Variants in DENND6B observed in about 807,000 individuals in gnomAD.
The protein encoded by DENND6B is protein DENND6B.
In DENND6B, 73 loss-of-function variants were observed where a neutral mutation model predicts 85.1. The observed-to-expected ratio is 0.86, with a 90% CI of 0.71 to 1.04. DENND6B has a LOEUF of 1.04. Ranked by LOEUF, DENND6B falls within the 50% of genes least tolerant of loss-of-function variation. The pLI is 0.00. For missense variants in DENND6B, 715 were observed against 785.8 expected (o/e 0.91, Z 1.08); for synonymous variants, 357 against 329.3 (o/e 1.08, Z -0.91).
At chr22:50,313,152 C>T in intron 16 of DENND6B, 44 bp from the exon 17 acceptor site, 3 of 1,515,218 alleles carry the variant, frequency 2.0e-6, no homozygotes, top group Non-Finnish European at 2.7e-6. Context: ...CTCGGCCTCA[C>T]AGGCCTGCAC....
At chr22:50,319,900 C>T (rs573759685) in intron 1 of DENND6B, among the ~76,000 whole-genome samples, 1 of 152,386 alleles carries the variant, frequency 6.6e-6, no homozygotes, top group Non-Finnish European at 1.5e-5. Context: ...GCTAAGCAGG[C>T]GCTGAATGAC....
rs73439320 is a variant in DENND6B, at chr22:50,318,023, A to G, written c.260-3T>C. 58,146 of 1,611,710 alleles carry G rather than the reference A, an allele frequency of 0.036. 2,819 individuals carry two copies. Among genetic ancestry groups the G allele is most frequent in the African/African-American group, 0.23 (17,435 of 74,918 alleles). On this transcript the variant is annotated splice_region_variant and splice_polypyrimidine_tract_variant and intron_variant, in intron 3 of 19. Transcript: ENST00000413817. Reference sequence around the variant, plus strand: ...GAACTGAGTGTCTCCAAGGCAGCCTAAGAAGGGGCAGCCCCACCACACGGG... The same window carrying G: ...GAACTGAGTGTCTCCAAGGCAGCCTGAGAAGGGGCAGCCCCACCACACGGG...
Position 50,314,676 on chromosome 22 carries a change from G to A in DENND6B, c.906C>T (p.Cys302=). Residue 302 remains cysteine, a synonymous_variant, in exon 11 of 20, where the codon TGC becomes TGT. Coordinates refer to ENST00000413817, the MANE Select transcript of DENND6B (RefSeq NM_001001794.4). The stretch of plus-strand genomic sequence containing the variant: ...TGGTGAAGTAGGGACGGAAGTCGCA[G>A]CAGAACCTGAGGGGCTGCAGGCAGC... The part of the protein sequence containing the change: ...LTSCLQPLRF[C]CDFRPYFTIH... 1 of 1,566,238 alleles carries A rather than the reference G, an allele frequency of 6.4e-7. No individual in the cohort carries two copies. The highest frequency in any genetic ancestry group is 1.7e-4 in the Middle Eastern group (1 of 6,014).
chr22:50,315,176 T>A, intron 9 of DENND6B: 2 of 511,770 alleles, frequency 3.9e-6, no homozygotes, highest in Non-Finnish European at 6.8e-6. Flanking sequence ...GGACCAGCCA[T>A]CCCGAAGTGG....
chr22:50,317,288 C>T lies in DENND6B; in HGVS notation c.453+5G>A, dbSNP rs758430272. The T allele has an allele frequency of 1.6e-5, 26 of 1,612,268 alleles. No homozygotes were observed. The highest frequency in any genetic ancestry group is 9.9e-5 in the South Asian group (9 of 91,078). The stretch of plus-strand genomic sequence containing the variant: ...GTGCCAGCCCAGAGTGGCCAAGCAG[C>T]GCACCTTCTGGAAGTAGCCCCTCTT... On this transcript the variant is annotated splice_donor_5th_base_variant and intron_variant, in intron 5 of 19. Coordinates refer to ENST00000413817, the MANE Select transcript of DENND6B (RefSeq NM_001001794.4).
chr22:50,312,382 C>T lies in DENND6B; in HGVS notation c.1596G>A (p.Val532=). 6.2e-7 allele frequency: 1 copy of T among 1,611,848 alleles called. No homozygotes were observed. The change falls in exon 19 of 20, where the codon GTG becomes GTA. Residue 532 remains valine (V), a synonymous_variant. Transcript: ENST00000413817. ...GTTTCAGGACCAGGTCCACGACCTC[C>T]ACCTCGGACTTGTCTTTCATCCAGG... ...IETWMKDKSE[V]EVVDLVLKLR...
rs1254514999 is a variant in DENND6B at position 50,318,720 on chromosome 22, GGTGCTGCTCACCCCTGT to G, written c.259+110_259+126del. Reference sequence around the variant, plus strand: ...GCCTCCACGGAGTGGGCATGGGGCTGGTGCTGCTCACCCCTGTGGCACTCTGGGCACCGGGGCAGCCG... The same window carrying G: ...GCCTCCACGGAGTGGGCATGGGGCTGGGCACTCTGGGCACCGGGGCAGCCG... On this transcript the variant is annotated intron_variant, in intron 3 of 19. Coordinates refer to ENST00000413817, the MANE Select transcript of DENND6B (RefSeq NM_001001794.4). 2.2e-6 allele frequency: 3 copies of G among 1,362,786 alleles called. No individual in the cohort carries two copies. In the African/African-American group the frequency reaches 4.3e-5, roughly 20 times the overall value. 84.4% of individuals were successfully genotyped at this position (1,362,786 alleles called of 1,614,324 possible). A position where few individuals can be genotyped will look rare whatever the true frequency, so the allele number is the denominator to read the frequency against.
intron 12 of DENND6B, 31 bp downstream of exon 12, chr22:50,314,369 A>C: frequency 1.3e-6 from 2 of 1,567,902 alleles, no homozygotes; most frequent in East Asian, 4.7e-5. Context: ...GCTTCTGAGC[A>C]GCACCCCCTG....
chr22:50,313,069 G>T lies in DENND6B; in HGVS notation c.1387C>A (p.Leu463Met). 1 of 1,560,104 alleles carries T rather than the reference G, an allele frequency of 6.4e-7. No homozygotes were observed. Among genetic ancestry groups the T allele is most frequent in the Non-Finnish European group, 8.7e-7 (1 of 1,152,784 alleles). ...GGCCCAGCATGCTCCAGGCTACGCA[G>T]GAAGTCATCCTGGCTGAAGGGCTGG... ...QIQPFSQDDFLRSLEHAGPQL... is the reference protein window; with the variant it reads ...QIQPFSQDDFMRSLEHAGPQL... The change falls in exon 17 of 20, where the codon CTG becomes ATG. Residue 463 changes from leucine to methionine, a missense_variant. Leu to Met is a conservative substitution (Grantham distance 15). Coordinates refer to ENST00000413817, the MANE Select transcript of DENND6B (RefSeq NM_001001794.4).
intron 1 of DENND6B, among the ~76,000 whole-genome samples, chr22:50,319,874 T>A (rs2041989393): frequency 6.6e-6 from 1 of 152,024 alleles, no homozygotes; most frequent in Non-Finnish European, 1.5e-5. Flanking sequence ...GAGTGGACAG[T>A]GGAGGAGAGC....
intron 1 of DENND6B, among the ~76,000 whole-genome samples, chr22:50,324,080 C>T (rs1484125716): frequency 6.6e-6 from 1 of 152,086 alleles, no homozygotes; most frequent in African/African-American, 2.4e-5. Context: ...AGGCCCTTTC[C>T]TAAGCTGACC....
chr22:50,323,430 C>T (rs141872692), intron 1 of DENND6B, among the ~76,000 whole-genome samples: 51 of 151,970 alleles, frequency 3.4e-4, no homozygotes, highest in Middle Eastern at 3.4e-3. Flanking sequence ...GCTGGGATTA[C>T]AGGCATACAA....
At position 50,312,107 on chromosome 22, in the gene DENND6B, A is replaced by G. The variant is rs1601801355; in HGVS notation, c.*32T>C. The G allele has an allele frequency of 6.2e-7, 1 of 1,608,228 alleles. No homozygotes were observed. Among genetic ancestry groups the G allele is most frequent in the Admixed American group, 1.7e-5 (1 of 59,728 alleles). On this transcript the variant is annotated 3_prime_UTR_variant, in exon 20 of 20. Coordinates refer to ENST00000413817, the MANE Select transcript of DENND6B (RefSeq NM_001001794.4). ...GGGAGTGGGAGGCTCAGGCAGACCTAGGGCCCTGGGACCGTGGCCCTTGGC... is the reference window on the plus strand; with the variant it reads ...GGGAGTGGGAGGCTCAGGCAGACCTGGGGCCCTGGGACCGTGGCCCTTGGC...
At position 50,313,659 on chromosome 22, in the gene DENND6B, G is replaced by A. The variant is rs1199948676; in HGVS notation, c.1269C>T (p.Leu423=). The A allele has an allele frequency of 1.3e-6, 2 of 1,594,662 alleles. No homozygotes were observed. Among genetic ancestry groups the A allele is most frequent in the East Asian group, 2.3e-5 (1 of 44,150 alleles). The change falls in exon 15 of 20, where the codon CTC becomes CTT. Residue 423 remains leucine (L), a synonymous_variant. Transcript: ENST00000413817. The stretch of plus-strand genomic sequence containing the variant: ...CCAGGGGGATGATGAAGCTCTGGGT[G>A]AGCTCCAGGAGGTGCCGCCGCAGCA... ...SALLRRHLLE[L]TQSFIIPLEH... is the part of the protein sequence containing the mutation.
In DENND6B at chr22:50,313,101, G is replaced by T. The variant is rs769447051; in HGVS notation, c.1355C>A (p.Pro452His). 5 of 1,553,832 alleles carry T rather than the reference G, an allele frequency of 3.2e-6. No homozygotes were observed. The highest frequency in any genetic ancestry group is 2.4e-5 in the South Asian group (2 of 84,230). Residue 452 changes from proline (P) to histidine (H), a missense_variant, in exon 17 of 20, where the codon CCC becomes CAC. Physicochemically the swap from Pro to His is moderately conservative, Grantham distance 77. Coordinates refer to ENST00000413817, the MANE Select transcript of DENND6B (RefSeq NM_001001794.4). ...QKSITPWKTPPQIQPFSQDDF... is the reference protein window; with the variant it reads ...QKSITPWKTPHQIQPFSQDDF... The stretch of plus-strand genomic sequence containing the variant: ...ATCCTGGCTGAAGGGCTGGATCTGG[G>T]GGGGAGTCTGAGAGGGGATGGGTGA...
At chr22:50,315,334 C>A (rs2041771103) in intron 9 of DENND6B, among the ~76,000 whole-genome samples, 1 of 152,214 alleles carries the variant, frequency 6.6e-6, no homozygotes, top group Non-Finnish European at 1.5e-5. Context: ...GGCTCCCTTG[C>A]AGACTTGTCC....
chr22:50,309,972 A>T lies in DENND6B; in HGVS notation c.*2167T>A, dbSNP rs1382406400. The T allele has an allele frequency of 6.6e-6, 1 of 152,254 alleles. No homozygotes were observed. Among genetic ancestry groups the T allele is most frequent in the Non-Finnish European group, 1.5e-5 (1 of 68,066 alleles). 9.4% of individuals were successfully genotyped at this position (152,254 alleles called of 1,614,324 possible). On this transcript the variant is annotated 3_prime_UTR_variant, in exon 20 of 20. Coordinates refer to ENST00000413817, the MANE Select transcript of DENND6B (RefSeq NM_001001794.4). ...GGTTGTCTTCCCAAGCTGCCCCGACACCTTGAAGTGGTGGTCCTCAGGGGG... is the reference window on the plus strand; with the variant it reads ...GGTTGTCTTCCCAAGCTGCCCCGACTCCTTGAAGTGGTGGTCCTCAGGGGG...
At position 50,314,761 on chromosome 22, in the gene DENND6B, G is replaced by C. The variant is rs780302003; in HGVS notation, c.881+38C>G. The C allele has an allele frequency of 2.5e-6, 4 of 1,582,738 alleles. No homozygotes were observed. In the South Asian group the frequency reaches 4.6e-5, roughly 18 times the overall value. On this transcript the variant is annotated intron_variant, in intron 10 of 19. Transcript: ENST00000413817. ...GGGCAGCCCAGGCACAGCCGCGATG[G>C]TCCAGCTTCCCCAGCCGGGACCGGG...
rs1237309650 is a variant in DENND6B at position 50,319,608 on chromosome 22, C to A, written c.178-605G>T. 33 of 797,880 alleles carry A rather than the reference C, an allele frequency of 4.1e-5. 1 individual carries two copies. Among genetic ancestry groups the A allele is most frequent in the Non-Finnish European group, 4.6e-5 (30 of 659,302 alleles). 49.4% of individuals were successfully genotyped at this position (797,880 alleles called of 1,614,324 possible). A position where few individuals can be genotyped will look rare whatever the true frequency, so the allele number is the denominator to read the frequency against. ...CTCACCACCCGCCAAGCCAGAGGGC[C>A]CCTCACCTGGGATGGTCACGGGGCC... is the stretch of plus-strand genomic sequence containing the variant. On this transcript the variant is annotated intron_variant, in intron 1 of 19. Coordinates refer to ENST00000413817, the MANE Select transcript of DENND6B (RefSeq NM_001001794.4).
Sources: allele counts gnomAD v4.1 joint callset (sites outside exome capture counted in the v4.1 genomes callset), GRCh38; gene constraint gnomAD v4.1.1; transcripts MANE v1.5; gene names NCBI Gene and HGNC (gene_info 2026-07-23, HGNC 2026-07-21).